Variants in TACC2 observed in about 807,000 individuals in gnomAD.
TACC2 encodes the protein transforming acidic coiled-coil containing protein 2.
TACC2 carries 137 observed loss-of-function variants against 227.3 expected under a neutral mutation model. The observed-to-expected ratio is 0.60, with a 90% CI of 0.52 to 0.69. TACC2 has a LOEUF of 0.69. Among genes scored for constraint, TACC2 ranks in the 30% least tolerant of loss-of-function variants. The probability of loss-of-function intolerance (pLI) is 0.00; values close to 1 mark genes in which losing one functional copy is unlikely to be tolerated. For synonymous variants in TACC2, 1,523 were observed against 1,487.5 expected (o/e 1.02, Z -0.55); for missense variants, 3,470 against 3,694.4 (o/e 0.94, Z 1.57).
intron 1 of TACC2, among the ~76,000 whole-genome samples, chr10:122,020,640 G>C (rs1274303377): frequency 1.3e-5 from 2 of 152,138 alleles, no homozygotes; most frequent in East Asian, 3.9e-4. Flanking sequence ...CAATTAGAAG[G>C]CTGGAGTTTG....
intron 11 of TACC2, among the ~76,000 whole-genome samples, chr10:122,223,051 CTCTT>C (rs1260323414): frequency 3.7e-5 from 5 of 133,808 alleles, no homozygotes; most frequent in Admixed American, 7.8e-5. Flanking sequence ...CTCTCTCTCT[CTCTT>C]TTTTTTTTTT....
Position 122,085,014 on chromosome 10 carries a change from G to A in TACC2, c.2514G>A (p.Glu838=). The change falls in exon 4 of 23, where the codon GAG becomes GAA. Residue 838 remains glutamate, a synonymous_variant. Coordinates refer to ENST00000369005, the MANE Select transcript of TACC2 (RefSeq NM_206862.4). The part of the protein sequence containing the change: ...KHLQPSQAQP[E]TSIFDVLKEQ... ...TCCAGCCATCCCAGGCACAACCAGA[G>A]ACATCCATCTTTGACGTGCTCAAGG... is the stretch of plus-strand genomic sequence containing the variant. 2 of 1,614,182 alleles carry A rather than the reference G, an allele frequency of 1.2e-6. No homozygotes were observed. The highest frequency in any genetic ancestry group is 1.7e-6 in the Non-Finnish European group (2 of 1,180,034).
intron 7 of TACC2, among the ~76,000 whole-genome samples, chr10:122,189,650 T>C (rs139490271): frequency 6.6e-6 from 1 of 152,374 alleles, no homozygotes; most frequent in East Asian, 1.9e-4. Context: ...TTCTAAGGAA[T>C]TGACCTGGAT....
intron 7 of TACC2, among the ~76,000 whole-genome samples, chr10:122,179,065 G>T (rs577351393): frequency 6.6e-6 from 1 of 152,300 alleles, no homozygotes; most frequent in East Asian, 1.9e-4. Context: ...AAACGCTGAA[G>T]CATGTTTATA....
chr10:122,226,602 ATATTTT>A, intron 13 of TACC2, 121 bp downstream of exon 13: 2 of 464,226 alleles, frequency 4.3e-6, no homozygotes, highest in Non-Finnish European at 7.2e-6. Flanking sequence ...GACATGCCAC[ATATTTT>A]TTTTTTTTTT....
chr10:122,093,224 G>A (rs2137346637), intron 5 of TACC2, among the ~76,000 whole-genome samples: 1 of 152,206 alleles, frequency 6.6e-6, no homozygotes, highest in African/African-American at 2.4e-5. Flanking sequence ...AATGGGGAAG[G>A]GCAATTGGAT....
intron 5 of TACC2, among the ~76,000 whole-genome samples, chr10:122,113,938 A>G (rs1286319235): frequency 6.6e-6 from 1 of 152,236 alleles, no homozygotes; most frequent in Non-Finnish European, 1.5e-5. Flanking sequence ...CGAGCGCCGA[A>G]TACACCACGC....
At chr10:122,218,686 T>A (rs915312372) in intron 11 of TACC2, among the ~76,000 whole-genome samples, 2 of 152,176 alleles carry the variant, frequency 1.3e-5, no homozygotes, top group African/African-American at 2.4e-5. Context: ...GGCTGTCAGG[T>A]TGGCCCTCTG....
At chr10:122,015,222 T>A (rs1283316333) in intron 1 of TACC2, among the ~76,000 whole-genome samples, 1 of 152,162 alleles carries the variant, frequency 6.6e-6, no homozygotes, top group Middle Eastern at 3.4e-3. Flanking sequence ...AACTCAATGT[T>A]GGCCCGGCAC....
chr10:122,112,613 G>T (rs1014356269), intron 5 of TACC2, among the ~76,000 whole-genome samples: 1 of 152,058 alleles, frequency 6.6e-6, no homozygotes, highest in East Asian at 1.9e-4. Context: ...GGCGGGCAAC[G>T]GCCCCGCAGA....
In TACC2 at chr10:122,230,436, C is replaced by A. The variant is rs2095715169; in HGVS notation, c.8123C>A (p.Ala2708Asp). 3 of 1,613,934 alleles carry A rather than the reference C, an allele frequency of 1.9e-6. No homozygotes were observed. Among genetic ancestry groups the A allele is most frequent in the Non-Finnish European group, 2.5e-6 (3 of 1,179,982 alleles). Residue 2708 changes from alanine (A) to aspartate (D), a missense_variant, in exon 16 of 23, where the codon GCC becomes GAC. By Grantham distance (126) the Ala-to-Asp change is moderately radical (BLOSUM62 -2). This residue lies in a region of TACC2 where 345 missense variants were observed against 354.4 expected (regional missense o/e 0.97). Transcript: ENST00000369005. ...IALASRSHQD[A>D]KREAAHPTDV... is the part of the protein sequence containing the mutation. The stretch of plus-strand genomic sequence containing the variant: ...TTGGCTTCCCGCAGCCACCAGGATG[C>A]CAAGGTACCGGTTTGCTGCTGCGTG...
chr10:122,041,659 C>T (rs761752613), intron 2 of TACC2, among the ~76,000 whole-genome samples: 3 of 152,074 alleles, frequency 2.0e-5, no homozygotes, highest in Non-Finnish European at 4.4e-5. Context: ...GTTGCCCAGG[C>T]CAGGCTCGAA....
At chr10:121,990,058 A>G (rs1046383543) in intron 1 of TACC2, among the ~76,000 whole-genome samples, 1 of 151,966 alleles carries the variant, frequency 6.6e-6, no homozygotes, top group Non-Finnish European at 1.5e-5. Flanking sequence ...CATATTTTAA[A>G]TATTTCTTTA....
In TACC2 at chr10:122,194,350, T is replaced by C. The variant is rs956293009; in HGVS notation, c.5835-690T>C. On this transcript the variant is annotated intron_variant, in intron 7 of 22. Coordinates refer to ENST00000369005, the MANE Select transcript of TACC2 (RefSeq NM_206862.4). The surrounding 1 kb of genome is among the most constrained non-coding windows in gnomAD (Gnocchi z 4.4). ...AAGAGTCTTCCTTGAGAACAGACTT[T>C]CCTGCAGACCAGCGAGGGCCATTTT... 2.6e-5 allele frequency among the ~76,000 whole-genome samples: 4 copies of C among 152,222 alleles called. No individual in the cohort carries two copies. The highest frequency in any genetic ancestry group is 4.4e-5 in the Non-Finnish European group (3 of 68,044).
intron 18 of TACC2, among the ~76,000 whole-genome samples, chr10:122,239,460 C>T (rs551228637): frequency 1.3e-5 from 2 of 152,334 alleles, no homozygotes; most frequent in South Asian, 4.1e-4. Flanking sequence ...CTGATGGTTC[C>T]CTGTGACCAC....
rs1292222017 is a variant in TACC2 at position 122,141,951 on chromosome 10, T to C, written c.5700-1621T>C. Reference sequence around the variant, plus strand: ...GCCTCCAAAGTGCAAAATAGCTCTCTTAAGGAGCTTAAATGCCTCTGGTAG... The same window carrying C: ...GCCTCCAAAGTGCAAAATAGCTCTCCTAAGGAGCTTAAATGCCTCTGGTAG... On this transcript the variant is annotated intron_variant, in intron 6 of 22. Transcript: ENST00000369005. The surrounding 1 kb of genome is among the most constrained non-coding windows in gnomAD (Gnocchi z 4.3). Among the ~76,000 whole-genome samples, 1 of 152,232 alleles carries C rather than the reference T, an allele frequency of 6.6e-6. No individual in the cohort carries two copies.
chr10:122,183,598 G>T (rs553861309), intron 7 of TACC2, among the ~76,000 whole-genome samples: 1 of 152,182 alleles, frequency 6.6e-6, no homozygotes, highest in Admixed American at 6.5e-5. Flanking sequence ...TGGAGGTCCT[G>T]GCTGGCTGCC....
At chr10:122,125,926 G>A (rs902942686) in intron 5 of TACC2, among the ~76,000 whole-genome samples, 4 of 151,896 alleles carry the variant, frequency 2.6e-5, no homozygotes, top group South Asian at 2.1e-4. Context: ...ACAGGTGCGC[G>A]CCACCGCACC....
intron 5 of TACC2, among the ~76,000 whole-genome samples, chr10:122,122,682 C>T (rs374540503): frequency 6.6e-6 from 1 of 152,014 alleles, no homozygotes; most frequent in East Asian, 1.9e-4. Context: ...GTGGGATTTC[C>T]TGGCTCCTGT....
Sources: allele counts gnomAD v4.1 joint callset (sites outside exome capture counted in the v4.1 genomes callset), GRCh38; gene constraint gnomAD v4.1.1; regional missense constraint gnomAD v4.1.1; non-coding constraint Gnocchi (gnomAD v3.1); transcripts MANE v1.5; gene names NCBI Gene and HGNC (gene_info 2026-07-23, HGNC 2026-07-21).